Variants in R3HDM1 observed in about 807,000 individuals in gnomAD.
The protein encoded by R3HDM1 is R3H domain containing 1.
In R3HDM1, 46 loss-of-function variants were observed where a neutral mutation model predicts 141.1. That is an observed-to-expected ratio of 0.33 (90% CI 0.26 to 0.42). The LOEUF (loss-of-function observed/expected upper bound fraction) is 0.42. Among genes scored for constraint, R3HDM1 ranks in the 10% least tolerant of loss-of-function variants. The probability of loss-of-function intolerance (pLI) is 1.00; values close to 1 mark genes in which losing one functional copy is unlikely to be tolerated. For synonymous variants in R3HDM1, 435 were observed against 472.9 expected (o/e 0.92, Z 1.04); for missense variants, 1,184 against 1,368.3 (o/e 0.87, Z 2.12).
intron 1 of R3HDM1, among the ~76,000 whole-genome samples, chr2:135,596,506 G>A (rs1234273924): frequency 6.6e-6 from 1 of 152,006 alleles, no homozygotes; most frequent in Non-Finnish European, 1.5e-5. Flanking sequence ...GATGTGATTT[G>A]AAGTCCCTTC....
chr2:135,705,048 T>A (rs2074728726), intron 21 of R3HDM1, among the ~76,000 whole-genome samples: 1 of 152,200 alleles, frequency 6.6e-6, no homozygotes, highest in African/African-American at 2.4e-5. Flanking sequence ...CATGGTACAT[T>A]TTGCCAAAAT....
chr2:135,595,824 C>A (rs1445525405), intron 1 of R3HDM1, among the ~76,000 whole-genome samples: 1 of 152,128 alleles, frequency 6.6e-6, no homozygotes, highest in East Asian at 1.9e-4. Flanking sequence ...TTTCAGCTTT[C>A]ACCTTTTGAT....
At chr2:135,651,021 A>G in intron 17 of R3HDM1, 2 of 985,434 alleles carry the variant, frequency 2.0e-6, no homozygotes, top group South Asian at 9.4e-5. Flanking sequence ...CTGTTGAATT[A>G]GAGAAATGTT....
intron 23 of R3HDM1, among the ~76,000 whole-genome samples, chr2:135,711,350 T>C (rs2075602829): frequency 6.6e-6 from 1 of 152,214 alleles, no homozygotes; most frequent in African/African-American, 2.4e-5. Flanking sequence ...GTATGGATCT[T>C]ATTTGGATAT....
intron 21 of R3HDM1, among the ~76,000 whole-genome samples, chr2:135,698,910 A>G (rs1450151230): frequency 2.6e-5 from 4 of 151,884 alleles, no homozygotes; most frequent in Non-Finnish European, 4.4e-5. Context: ...AGCAGGCCCC[A>G]CCTCCAGCGT....
chr2:135,704,978 C>T (rs1345786935), intron 21 of R3HDM1, among the ~76,000 whole-genome samples: 1 of 152,088 alleles, frequency 6.6e-6, no homozygotes, highest in Non-Finnish European at 1.5e-5. Context: ...TAATTACTCC[C>T]TTGGCATGAG....
intron 1 of R3HDM1, chr2:135,586,621 A>C: frequency 1.2e-6 from 1 of 827,902 alleles, no homozygotes; most frequent in Non-Finnish European, 1.5e-6. Context: ...AAATTCTACT[A>C]TATTGAAAGT....
intron 7 of R3HDM1, among the ~76,000 whole-genome samples, chr2:135,626,376 T>C (rs982771958): frequency 6.6e-6 from 1 of 152,154 alleles, no homozygotes; most frequent in African/African-American, 2.4e-5. Context: ...CAAAAATAAT[T>C]TGTTAGATTC....
intron 20 of R3HDM1, among the ~76,000 whole-genome samples, chr2:135,678,584 C>T (rs1364360128): frequency 6.6e-6 from 1 of 151,664 alleles, no homozygotes; most frequent in Middle Eastern, 3.2e-3. Context: ...CCCATCTCTC[C>T]TGAAAAATAC....
intron 7 of R3HDM1, among the ~76,000 whole-genome samples, chr2:135,630,299 AAAAAAAAAAC>A (rs1349655249): frequency 1.2e-4 from 17 of 146,718 alleles, no homozygotes; most frequent in South Asian, 4.2e-4. Context: ...AAAAAAAAAA[AAAAAAAAAAC>A]AAAAAAAAAA....
At position 135,635,877 on chromosome 2, in the gene R3HDM1, T is replaced by G; in HGVS notation, c.699-13T>G. ...CTTTTCCTGTTCCTTTGTTTTTGTT[T>G]TTGTTTTTTAAGACCTGATCAGAAA... On this transcript the variant is annotated splice_polypyrimidine_tract_variant and intron_variant, in intron 9 of 26. Transcript: ENST00000683871. 3 of 1,571,092 alleles carry G rather than the reference T, an allele frequency of 1.9e-6. No individual in the cohort carries two copies. Among genetic ancestry groups the G allele is most frequent in the Non-Finnish European group, 2.6e-6 (3 of 1,164,260 alleles).
intron 1 of R3HDM1, among the ~76,000 whole-genome samples, chr2:135,569,718 CTT>C (rs139858819): frequency 7.7e-6 from 1 of 129,342 alleles, no homozygotes; most frequent in South Asian, 2.5e-4. Context: ...ATAGTAAGCT[CTT>C]TTTTTTTTGT....
chr2:135,685,458 G>A (rs1195616842), intron 21 of R3HDM1, among the ~76,000 whole-genome samples: 1 of 152,198 alleles, frequency 6.6e-6, no homozygotes, highest in Admixed American at 6.5e-5. Flanking sequence ...AGCATATCAT[G>A]TCTGACATGT....
chr2:135,698,248 C>T (rs934926916), intron 21 of R3HDM1, among the ~76,000 whole-genome samples: 3 of 151,424 alleles, frequency 2.0e-5, no homozygotes, highest in South Asian at 2.1e-4. Context: ...CAAGCTCCGC[C>T]TCCCGGGTTC....
At chr2:135,710,664 G>A (rs1042076564) in intron 23 of R3HDM1, among the ~76,000 whole-genome samples, 8 of 151,780 alleles carry the variant, frequency 5.3e-5, no homozygotes, top group African/African-American at 1.5e-4. Context: ...AAAAAAAGAC[G>A]GAGGAAAAAA....
At chr2:135,664,224 T>G (rs185682151) in intron 19 of R3HDM1, among the ~76,000 whole-genome samples, 16 of 152,142 alleles carry the variant, frequency 1.1e-4, no homozygotes, top group African/African-American at 3.9e-4. Flanking sequence ...TTCCTTTTGG[T>G]TTTTATTTTC....
At chr2:135,699,195 GGGA>G (rs772603554) in intron 21 of R3HDM1, among the ~76,000 whole-genome samples, 1 of 152,138 alleles carries the variant, frequency 6.6e-6, no homozygotes, top group African/African-American at 2.4e-5. Flanking sequence ...CTAACAGAAT[GGGA>G]GGAGAGGAAT....
chr2:135,579,595 C>CGGGGG (rs371620854), intron 1 of R3HDM1, among the ~76,000 whole-genome samples: 105 of 86,764 alleles, frequency 1.2e-3, no homozygotes, highest in African/African-American at 5.7e-3. Context: ...TATGGGGTGG[C>CGGGGG]GGGGGGGGGT....
chr2:135,723,507 C>T (rs190353488), intron 26 of R3HDM1, among the ~76,000 whole-genome samples: 1 of 151,900 alleles, frequency 6.6e-6, no homozygotes, highest in East Asian at 1.9e-4. Flanking sequence ...TGCAGTGCCT[C>T]ATGCCTGTAA....
Sources: allele counts gnomAD v4.1 joint callset (sites outside exome capture counted in the v4.1 genomes callset), GRCh38; gene constraint gnomAD v4.1.1; transcripts MANE v1.5; gene names NCBI Gene and HGNC (gene_info 2026-07-23, HGNC 2026-07-21).